The following SOX5 variants were observed in gnomAD, a reference collection of about 807,000 sequenced individuals.
SOX5 encodes the protein transcription factor SOX-5.
SOX5 carries 9 observed loss-of-function variants against 92.0 expected under a neutral mutation model. That is an observed-to-expected ratio of 0.10 (90% CI 0.06 to 0.17). The LOEUF (loss-of-function observed/expected upper bound fraction) is 0.17. SOX5 is among the 10% of genes least tolerant of loss of function. The pLI, the probability that SOX5 is intolerant of heterozygous loss-of-function variation, is 1.00. For missense variants in SOX5, 642 were observed against 944.5 expected (o/e 0.68, Z 4.20); for synonymous variants, 344 against 336.3 (o/e 1.02, Z -0.25).
At chr12:24,467,188 T>C (rs1265156249) in intron 1 of SOX5, among the ~76,000 whole-genome samples, 1 of 152,228 alleles carries the variant, frequency 6.6e-6, no homozygotes, top group Admixed American at 6.5e-5. Flanking sequence ...TACCATCAGA[T>C]ACTTCCATTC....
chr12:23,877,141 T>TA (rs912243844), intron 2 of SOX5, among the ~76,000 whole-genome samples: 25 of 151,750 alleles, frequency 1.6e-4, no homozygotes, highest in Admixed American at 5.3e-4. Context: ...TAAAGTATAA[T>TA]AAAAAAAATA....
chr12:24,156,021 A>G (rs1414769247), intron 4 of SOX5, among the ~76,000 whole-genome samples: 1 of 152,168 alleles, frequency 6.6e-6, no homozygotes, highest in Non-Finnish European at 1.5e-5. Context: ...CAGAGCACCC[A>G]ACTCCCAGTG....
chr12:23,701,831 T>G (rs2090672290), intron 6 of SOX5, among the ~76,000 whole-genome samples: 1 of 151,986 alleles, frequency 6.6e-6, no homozygotes, highest in Non-Finnish European at 1.5e-5. Context: ...ACCAAAAGAT[T>G]TTTACATTCT....
At chr12:23,921,150 T>C (rs1429474637) in intron 1 of SOX5, among the ~76,000 whole-genome samples, 2 of 152,188 alleles carry the variant, frequency 1.3e-5, no homozygotes, top group African/African-American at 4.8e-5. Flanking sequence ...GAATAGTCCC[T>C]GTGCTGCCAA....
chr12:24,330,907 A>G (rs1318556310), intron 2 of SOX5, among the ~76,000 whole-genome samples: 1 of 152,216 alleles, frequency 6.6e-6, no homozygotes, highest in Non-Finnish European at 1.5e-5. Flanking sequence ...GATTTCACCA[A>G]GTTTCTGGAA....
intron 6 of SOX5, among the ~76,000 whole-genome samples, chr12:23,723,316 G>A (rs976319385): frequency 6.6e-6 from 1 of 151,504 alleles, no homozygotes; most frequent in Non-Finnish European, 1.5e-5. Flanking sequence ...TACTGATCAA[G>A]TTTTTATTCA....
chr12:24,299,138 T>C (rs1437568036), intron 2 of SOX5, among the ~76,000 whole-genome samples: 1 of 152,190 alleles, frequency 6.6e-6, no homozygotes, highest in African/African-American at 2.4e-5. Flanking sequence ...TACAAAGAGC[T>C]ACAATGTTAA....
At chr12:23,663,385 T>C (rs1402886216) in intron 7 of SOX5, among the ~76,000 whole-genome samples, 1 of 152,190 alleles carries the variant, frequency 6.6e-6, no homozygotes, top group Admixed American at 6.6e-5. Context: ...ACATTAACAC[T>C]CAACAAATTT....
chr12:24,063,892 AATTCAT>A (rs1940194079), intron 4 of SOX5, among the ~76,000 whole-genome samples: 3 of 152,194 alleles, frequency 2.0e-5, no homozygotes, highest in Non-Finnish European at 4.4e-5. Context: ...TCTAATAAAA[AATTCAT>A]ATAACCTAGG....
intron 10 of SOX5, among the ~76,000 whole-genome samples, chr12:23,573,400 G>C (rs966185262): frequency 6.6e-6 from 1 of 152,020 alleles, no homozygotes; most frequent in African/African-American, 2.4e-5. Context: ...AAATCCTAAG[G>C]CTCTTATTCT....
chr12:23,537,469 A>G (rs1482286442), intron 13 of SOX5, among the ~76,000 whole-genome samples: 1 of 152,182 alleles, frequency 6.6e-6, no homozygotes, highest in African/African-American at 2.4e-5. Flanking sequence ...CCTTTCCTAC[A>G]TATGGCCACC....
At chr12:24,247,577 G>T (rs75459915) in intron 3 of SOX5, among the ~76,000 whole-genome samples, 12 of 151,628 alleles carry the variant, frequency 7.9e-5, no homozygotes, top group Non-Finnish European at 1.6e-4. Context: ...GGTTGGATAA[G>T]CAGAGCCTTG....
intron 4 of SOX5, among the ~76,000 whole-genome samples, chr12:24,133,461 C>G (rs1949836847): frequency 6.6e-6 from 1 of 152,262 alleles, no homozygotes; most frequent in Non-Finnish European, 1.5e-5. Context: ...CTTTTAAGAG[C>G]AGCATCAATT....
At chr12:24,471,496 A>T (rs1402912763) in intron 1 of SOX5, among the ~76,000 whole-genome samples, 43 of 152,194 alleles carry the variant, frequency 2.8e-4, no homozygotes, top group Admixed American at 2.7e-3. Context: ...AAAATACTGT[A>T]GATGATAAAG....
chr12:23,927,577 TTTCA>T (rs1332891874), intron 1 of SOX5, among the ~76,000 whole-genome samples: 30 of 152,208 alleles, frequency 2.0e-4, no homozygotes, highest in African/African-American at 7.0e-4. Context: ...CCAATAGTTA[TTTCA>T]ATTTTCCTGT....
chr12:23,689,847 T>G (rs985953980), intron 6 of SOX5, among the ~76,000 whole-genome samples: 13 of 152,178 alleles, frequency 8.5e-5, no homozygotes, highest in African/African-American at 2.9e-4. Context: ...CAGTGAGAGA[T>G]ATGTTTAATT....
intron 3 of SOX5, among the ~76,000 whole-genome samples, chr12:24,247,877 C>A (rs540569021): frequency 4.5e-4 from 68 of 152,066 alleles, no homozygotes; most frequent in African/African-American, 1.6e-3. Flanking sequence ...TGGTCTTGAA[C>A]CCCTGACCTC....
At chr12:24,481,263 C>T (rs983984073) in intron 1 of SOX5, among the ~76,000 whole-genome samples, 4 of 151,276 alleles carry the variant, frequency 2.6e-5, no homozygotes, top group South Asian at 4.2e-4. Context: ...GGCTGGAAAG[C>T]GTAGTGGGGG....
At chr12:23,765,865 T>C (rs1340363959) in intron 3 of SOX5, among the ~76,000 whole-genome samples, 1 of 152,118 alleles carries the variant, frequency 6.6e-6, no homozygotes, top group Non-Finnish European at 1.5e-5. Flanking sequence ...CTAACAGTCA[T>C]TGGGTAAACC....
Sources: gnomAD v4.1 joint callset for allele counts (sites outside exome capture counted in the v4.1 genomes callset) on GRCh38, gnomAD v4.1.1 for gene constraint, MANE v1.5 for transcripts, NCBI Gene and HGNC (gene_info 2026-07-23, HGNC 2026-07-21) for gene names.